Variants in SLC20A2 observed in about 807,000 individuals in gnomAD.
SLC20A2 encodes the protein solute carrier family 20 member 2.
A neutral mutation model predicts 61.0 loss-of-function variants in SLC20A2; 30 were observed. The observed-to-expected ratio is 0.49, with a 90% CI of 0.37 to 0.67. SLC20A2 has a LOEUF of 0.67. SLC20A2 is among the 30% of genes least tolerant of loss of function. The pLI is 0.00. For missense variants in SLC20A2, 626 were observed against 866.4 expected (o/e 0.72, Z 3.48); for synonymous variants, 351 against 353.3 (o/e 0.99, Z 0.07).
intron 1 of SLC20A2, among the ~76,000 whole-genome samples, chr8:42,532,251 G>A (rs994658139): frequency 1.3e-5 from 2 of 152,072 alleles, no homozygotes; most frequent in Non-Finnish European, 2.9e-5. Context: ...TTCAGGGACC[G>A]TTTATCTAAA....
At chr8:42,448,004 T>C (rs1409167760) in intron 5 of SLC20A2, among the ~76,000 whole-genome samples, 1 of 152,232 alleles carries the variant, frequency 6.6e-6, no homozygotes, top group Non-Finnish European at 1.5e-5. Flanking sequence ...GGGCTGTGTC[T>C]GGGGCCAAGG....
chr8:42,500,964 G>A (rs755955807), intron 1 of SLC20A2, 67 bp downstream of exon 1: 2 of 152,046 alleles, frequency 1.3e-5, no homozygotes, highest in South Asian at 2.1e-4. Flanking sequence ...TTACTATGAC[G>A]GTAACATTAG....
At chr8:42,523,733 TAGA>T (rs1262746716) in intron 1 of SLC20A2, among the ~76,000 whole-genome samples, 1 of 152,182 alleles carries the variant, frequency 6.6e-6, no homozygotes, top group Non-Finnish European at 1.5e-5. Context: ...TTGGTTTTCT[TAGA>T]AGCTTTGTAA....
intron 10 of SLC20A2, among the ~76,000 whole-genome samples, chr8:42,426,636 G>A (rs1177327995): frequency 6.6e-6 from 1 of 152,030 alleles, no homozygotes; most frequent in African/African-American, 2.4e-5. Context: ...CAGAGGCTGC[G>A]GTGAGCTGGG....
At chr8:42,531,925 T>A (rs961867409) in intron 1 of SLC20A2, among the ~76,000 whole-genome samples, 1 of 151,862 alleles carries the variant, frequency 6.6e-6, no homozygotes, top group Non-Finnish European at 1.5e-5. Flanking sequence ...TTCAAGAAAT[T>A]CTCCTGCCCC....
chr8:42,440,893 C>T (rs765665468), intron 6 of SLC20A2, among the ~76,000 whole-genome samples: 12 of 152,192 alleles, frequency 7.9e-5, no homozygotes, highest in Admixed American at 3.3e-4. Flanking sequence ...CTCCGCCTCA[C>T]GCGTTCAAGC....
At chr8:42,499,971 A>C (rs1049800820) in intron 1 of SLC20A2, among the ~76,000 whole-genome samples, 1 of 152,196 alleles carries the variant, frequency 6.6e-6, no homozygotes, top group African/African-American at 2.4e-5. Flanking sequence ...CATTGTTGAC[A>C]CTTTATGTCA....
chr8:42,421,744 T>G (rs1039086247), intron 10 of SLC20A2, among the ~76,000 whole-genome samples: 6 of 151,994 alleles, frequency 3.9e-5, no homozygotes, highest in African/African-American at 1.4e-4. Context: ...GTGGAGGTTG[T>G]GGTGAGCTGA....
At chr8:42,525,609 A>T (rs530801563) in intron 1 of SLC20A2, among the ~76,000 whole-genome samples, 9 of 149,582 alleles carry the variant, frequency 6.0e-5, no homozygotes, top group Non-Finnish European at 1.2e-4. Flanking sequence ...AAAAAAAGAA[A>T]GTAAAATGGG....
chr8:42,512,032 G>C (rs1431040210), intron 1 of SLC20A2, among the ~76,000 whole-genome samples: 1 of 152,120 alleles, frequency 6.6e-6, no homozygotes, highest in Non-Finnish European at 1.5e-5. Context: ...CGCAAAAGAG[G>C]AGTGGACAAA....
chr8:42,528,311 A>T (rs1222198939), intron 1 of SLC20A2, among the ~76,000 whole-genome samples: 1 of 151,938 alleles, frequency 6.6e-6, no homozygotes, highest in Non-Finnish European at 1.5e-5. Context: ...AGTACAAAAA[A>T]GTTAGCCGGG....
intron 7 of SLC20A2, among the ~76,000 whole-genome samples, chr8:42,438,536 G>A (rs1442802779): frequency 6.6e-6 from 1 of 152,136 alleles, no homozygotes; most frequent in East Asian, 1.9e-4. Context: ...GATGAGTCAG[G>A]CAAAATGAAT....
intron 6 of SLC20A2, among the ~76,000 whole-genome samples, chr8:42,440,139 G>C (rs1804661193): frequency 6.6e-6 from 1 of 151,342 alleles, no homozygotes; most frequent in African/African-American, 2.4e-5. Flanking sequence ...TTAATTACCT[G>C]GAAAACTCTA....
At chr8:42,484,824 C>A (rs1481426265) in intron 1 of SLC20A2, 3 of 330,708 alleles carry the variant, frequency 9.1e-6, no homozygotes, top group South Asian at 2.6e-5. Flanking sequence ...CTTCCAGACC[C>A]CGAGGGCATC....
intron 1 of SLC20A2, among the ~76,000 whole-genome samples, chr8:42,508,595 T>C (rs926904311): frequency 1.2e-4 from 19 of 152,066 alleles, no homozygotes; most frequent in Middle Eastern, 3.2e-3. Context: ...TTCACCATGT[T>C]AGCCAGGCTG....
At chr8:42,477,972 G>A (rs188646300) in intron 1 of SLC20A2, among the ~76,000 whole-genome samples, 115 of 151,052 alleles carry the variant, frequency 7.6e-4, no homozygotes, top group South Asian at 3.6e-3. Flanking sequence ...TGCAACCTCC[G>A]CCTCCTGGGT....
chr8:42,525,783 T>A (rs1329151016), intron 1 of SLC20A2, among the ~76,000 whole-genome samples: 1 of 151,914 alleles, frequency 6.6e-6, no homozygotes, highest in Non-Finnish European at 1.5e-5. Context: ...TGCAGATATT[T>A]AAAAAATTAA....
chr8:42,471,296 G>A (rs1306058066), intron 2 of SLC20A2: 1 of 450,100 alleles, frequency 2.2e-6, no homozygotes, highest in Non-Finnish European at 4.5e-6. Context: ...GTGATGGGAA[G>A]ACCCACGGGG....
chr8:42,454,421 C>G (rs888794945), intron 5 of SLC20A2, among the ~76,000 whole-genome samples: 2 of 152,160 alleles, frequency 1.3e-5, no homozygotes, highest in East Asian at 3.9e-4. Flanking sequence ...TTCATTATCT[C>G]AGGGACTATA....
Sources: gnomAD v4.1 joint callset for allele counts (sites outside exome capture counted in the v4.1 genomes callset) on GRCh38, gnomAD v4.1.1 for gene constraint, MANE v1.5 for transcripts, NCBI Gene and HGNC (gene_info 2026-07-23, HGNC 2026-07-21) for gene names.